TTLL11: variants seen among roughly 807,000 people sequenced by gnomAD.
TTLL11 encodes tubulin polyglutamylase TTLL11.
Under a neutral mutation model 51.7 loss-of-function variants are expected in TTLL11, and 42 were observed. That is an observed-to-expected ratio of 0.81 (90% CI 0.64 to 1.05). The LOEUF (loss-of-function observed/expected upper bound fraction) is 1.05. Ranked by LOEUF, TTLL11 falls within the 50% of genes least tolerant of loss-of-function variation. TTLL11 has a pLI of 0.00. For synonymous variants in TTLL11, 381 were observed against 383.5 expected (o/e 0.99, Z 0.08); for missense variants, 799 against 940.4 (o/e 0.85, Z 1.97).
At chr9:121,879,078 A>G (rs1051839419) in intron 6 of TTLL11, among the ~76,000 whole-genome samples, 1 of 152,162 alleles carries the variant, frequency 6.6e-6, no homozygotes, top group Non-Finnish European at 1.5e-5. Context: ...AACCTATAGG[A>G]CTGGTGTTAG....
intron 8 of TTLL11, among the ~76,000 whole-genome samples, chr9:121,851,720 T>C (rs1837667625): frequency 1.3e-5 from 2 of 152,132 alleles, no homozygotes; most frequent in Non-Finnish European, 2.9e-5. Context: ...TAAGAGAAAT[T>C]CCTCCCCTCA....
At chr9:121,826,273 CAT>C (rs1164763645) in intron 8 of TTLL11, among the ~76,000 whole-genome samples, 1 of 103,634 alleles carries the variant, frequency 9.6e-6, no homozygotes, top group Non-Finnish European at 1.8e-5. Context: ...GGGTAAAACC[CAT>C]ATATATATGA....
chr9:121,889,641 C>T (rs896520795), intron 6 of TTLL11, among the ~76,000 whole-genome samples: 1 of 152,210 alleles, frequency 6.6e-6, no homozygotes, highest in African/African-American at 2.4e-5. Flanking sequence ...GTGGCTCACG[C>T]CTGTAATCCC....
chr9:122,054,469 C>T lies in TTLL11; in HGVS notation c.463-15101G>A, dbSNP rs146436547. Among the ~76,000 whole-genome samples the T allele has an allele frequency of 5.3e-3, 809 of 152,194 alleles. 8 individuals are homozygous for T. Among genetic ancestry groups the T allele is most frequent in the African/African-American group, 0.019 (780 of 41,508 alleles). ...AGAAAAACTTCACAAACTTCTAAAG[C>T]GATTTACCTCTTGGCTTGCAGTTTT... On this transcript the variant is annotated intron_variant, in intron 1 of 8. Coordinates refer to ENST00000321582, the MANE Select transcript of TTLL11 (RefSeq NM_001139442.2).
At chr9:122,048,206 C>T (rs1845069966) in intron 1 of TTLL11, among the ~76,000 whole-genome samples, 1 of 151,926 alleles carries the variant, frequency 6.6e-6, no homozygotes, top group South Asian at 2.1e-4. Flanking sequence ...CTCACTCTGT[C>T]AGCCAGCCTG....
At chr9:121,961,421 A>T (rs1842213682) in intron 6 of TTLL11, among the ~76,000 whole-genome samples, 1 of 149,926 alleles carries the variant, frequency 6.7e-6, no homozygotes, top group Non-Finnish European at 1.5e-5. Context: ...CCTTTTATGG[A>T]TGAAAAAAAA....
intron 6 of TTLL11, among the ~76,000 whole-genome samples, chr9:121,962,865 G>A (rs1315239115): frequency 2.0e-5 from 3 of 152,174 alleles, no homozygotes; most frequent in African/African-American, 7.2e-5. Context: ...TCTGCGCTTG[G>A]CCCTGGAGAT....
chr9:121,872,839 G>T (rs1838403237), intron 6 of TTLL11, among the ~76,000 whole-genome samples: 1 of 152,238 alleles, frequency 6.6e-6, no homozygotes, highest in Non-Finnish European at 1.5e-5. Flanking sequence ...ACAAAGAGGA[G>T]AGTCCTGACT....
intron 8 of TTLL11, among the ~76,000 whole-genome samples, chr9:121,841,568 T>A (rs1367675662): frequency 6.6e-6 from 1 of 152,078 alleles, no homozygotes; most frequent in Admixed American, 6.5e-5. Flanking sequence ...ACAGACGAGG[T>A]GAGCTCCCTT....
chr9:122,028,408 C>T (rs1844418138), intron 3 of TTLL11, among the ~76,000 whole-genome samples: 1 of 152,058 alleles, frequency 6.6e-6, no homozygotes, highest in Non-Finnish European at 1.5e-5. Context: ...AAAAGATATA[C>T]CATGCAAATA....
intron 8 of TTLL11, among the ~76,000 whole-genome samples, chr9:121,829,810 CACA>C: frequency 6.9e-6 from 1 of 145,782 alleles, no homozygotes; most frequent in Admixed American, 6.8e-5. Flanking sequence ...CACACACACA[CACA>C]CCACACACAC....
intron 1 of TTLL11, among the ~76,000 whole-genome samples, chr9:122,081,630 G>A (rs1259825954): frequency 6.6e-6 from 1 of 152,190 alleles, no homozygotes; most frequent in African/African-American, 2.4e-5. Context: ...TTAATTCACT[G>A]GGTATTTCAC....
chr9:122,041,251 C>T (rs1472144186), intron 1 of TTLL11, among the ~76,000 whole-genome samples: 2 of 152,176 alleles, frequency 1.3e-5, no homozygotes, highest in African/African-American at 2.4e-5. Context: ...AATTAAGTCC[C>T]AGGATTTCAT....
chr9:121,999,946 C>G (rs1439468800), intron 3 of TTLL11, among the ~76,000 whole-genome samples: 1 of 152,216 alleles, frequency 6.6e-6, no homozygotes, highest in Non-Finnish European at 1.5e-5. Context: ...ATCATATCAT[C>G]TTCAGGTCCA....
intron 1 of TTLL11, among the ~76,000 whole-genome samples, chr9:122,087,334 C>T (rs1846151203): frequency 6.6e-6 from 1 of 152,064 alleles, no homozygotes; most frequent in Non-Finnish European, 1.5e-5. Flanking sequence ...CTCAGCCTCT[C>T]AATACAATTT....
chr9:121,929,230 A>G (rs1840867178), intron 6 of TTLL11, among the ~76,000 whole-genome samples: 1 of 152,110 alleles, frequency 6.6e-6, no homozygotes, highest in African/African-American at 2.4e-5. Flanking sequence ...TCACAAGGTC[A>G]GGAGTTCAAG....
intron 6 of TTLL11, among the ~76,000 whole-genome samples, chr9:121,958,435 T>C (rs1564326443): frequency 2.0e-5 from 3 of 152,140 alleles, no homozygotes; most frequent in Non-Finnish European, 4.4e-5. Flanking sequence ...TGCTATCCCC[T>C]GGGGTCTTTT....
chr9:121,931,958 C>T (rs953138716), intron 6 of TTLL11, among the ~76,000 whole-genome samples: 13 of 152,220 alleles, frequency 8.5e-5, no homozygotes, highest in African/African-American at 3.1e-4. Flanking sequence ...ATAATTCAGA[C>T]TTGATAATAA....
At chr9:121,963,732 A>C (rs7034978) in intron 6 of TTLL11, 56,915 of 152,136 alleles carry the variant, frequency 0.37, 11,441 homozygotes, top group East Asian at 0.67. Context: ...CCCACAAATA[A>C]GGCTTTTGCT....
Sources: gnomAD v4.1 joint callset for allele counts (sites outside exome capture counted in the v4.1 genomes callset) on GRCh38, gnomAD v4.1.1 for gene constraint, MANE v1.5 for transcripts, NCBI Gene and HGNC (gene_info 2026-07-23, HGNC 2026-07-21) for gene names.